The following MIPOL1 variants were observed in gnomAD, a reference collection of about 807,000 sequenced individuals.
The protein encoded by MIPOL1 is mirror-image polydactyly gene 1 protein.
MIPOL1 carries 57 observed loss-of-function variants against 60.9 expected under a neutral mutation model. The observed-to-expected ratio is 0.94, with a 90% CI of 0.76 to 1.17. The LOEUF (loss-of-function observed/expected upper bound fraction) is 1.17, where lower values mean the gene tolerates loss of function less well. MIPOL1 is among the 50% of genes most tolerant of loss of function. The pLI is 0.00. For missense variants in MIPOL1, 551 were observed against 511.6 expected (o/e 1.08, Z -0.74); for synonymous variants, 179 against 168.8 (o/e 1.06, Z -0.47).
At chr14:37,376,537 T>C (rs1368703949) in intron 10 of MIPOL1, among the ~76,000 whole-genome samples, 1 of 151,874 alleles carries the variant, frequency 6.6e-6, no homozygotes, top group Non-Finnish European at 1.5e-5. Context: ...TTTTCTCTCT[T>C]GCTCAAAAAA....
At chr14:37,533,092 G>C (rs1028131984) in intron 12 of MIPOL1, among the ~76,000 whole-genome samples, 46 of 152,000 alleles carry the variant, frequency 3.0e-4, no homozygotes, top group African/African-American at 1.1e-3. Context: ...TCTATGATGA[G>C]TATGCATCAT....
chr14:37,246,394 A>G (rs774932993), intron 1 of MIPOL1, among the ~76,000 whole-genome samples: 1 of 152,124 alleles, frequency 6.6e-6, no homozygotes, highest in Non-Finnish European at 1.5e-5. Context: ...TTATCATAAT[A>G]TAGGTATTAA....
chr14:37,289,157 G>GT (rs1336170409), intron 7 of MIPOL1, among the ~76,000 whole-genome samples: 1 of 152,142 alleles, frequency 6.6e-6, no homozygotes, highest in Non-Finnish European at 1.5e-5. Flanking sequence ...GAATCCCTGG[G>GT]TGTGTCAGTG....
chr14:37,459,130 A>C (rs540666225), intron 11 of MIPOL1, among the ~76,000 whole-genome samples: 2 of 152,216 alleles, frequency 1.3e-5, no homozygotes, highest in Admixed American at 1.3e-4. Context: ...AGAAGAAACT[A>C]AATCCAAAGC....
At chr14:37,315,810 T>C (rs1350265739) in intron 9 of MIPOL1, among the ~76,000 whole-genome samples, 2 of 152,024 alleles carry the variant, frequency 1.3e-5, no homozygotes, top group Admixed American at 1.3e-4. Flanking sequence ...TATGGATAAG[T>C]AAAACTGTGG....
At chr14:37,504,440 G>A (rs2095255754) in intron 12 of MIPOL1, 1 of 152,158 alleles carries the variant, frequency 6.6e-6, no homozygotes, top group Admixed American at 6.5e-5. Context: ...TTAGAACTCA[G>A]GATTAAGAAA....
intron 11 of MIPOL1, among the ~76,000 whole-genome samples, chr14:37,479,782 A>G (rs2094833611): frequency 6.6e-6 from 1 of 152,124 alleles, no homozygotes; most frequent in African/African-American, 2.4e-5. Context: ...AACAAAATCT[A>G]CAAACCCTTA....
intron 11 of MIPOL1, among the ~76,000 whole-genome samples, chr14:37,482,793 CA>C (rs752005451): frequency 3.9e-4 from 60 of 152,196 alleles, no homozygotes; most frequent in Middle Eastern, 3.4e-3. Context: ...CAAAAGTTAA[CA>C]AGTGTCAGTG....
intron 9 of MIPOL1, among the ~76,000 whole-genome samples, chr14:37,341,643 C>T (rs2090582635): frequency 6.6e-6 from 1 of 152,144 alleles, no homozygotes; most frequent in Non-Finnish European, 1.5e-5. Context: ...TGGGGTCTCA[C>T]TGTGTTGCCC....
chr14:37,323,298 T>G (rs1567465561), intron 9 of MIPOL1, among the ~76,000 whole-genome samples: 1 of 152,106 alleles, frequency 6.6e-6, no homozygotes, highest in South Asian at 2.1e-4. Flanking sequence ...ATGTATGGTG[T>G]TATTTCTGAG....
intron 11 of MIPOL1, among the ~76,000 whole-genome samples, chr14:37,446,166 C>G (rs542003190): frequency 1.8e-3 from 271 of 152,162 alleles, no homozygotes; most frequent in African/African-American, 6.5e-3. Flanking sequence ...ATTTTTGCAA[C>G]CTACTCATCT....
chr14:37,302,890 T>C (rs1300573103), intron 7 of MIPOL1, among the ~76,000 whole-genome samples: 1 of 151,896 alleles, frequency 6.6e-6, no homozygotes, highest in Non-Finnish European at 1.5e-5. Flanking sequence ...CAGAATTGTT[T>C]TGGCTATTCT....
At chr14:37,378,140 A>G (rs1054486446) in intron 10 of MIPOL1, among the ~76,000 whole-genome samples, 2 of 152,092 alleles carry the variant, frequency 1.3e-5, no homozygotes, top group African/African-American at 4.8e-5. Context: ...AGTTTATTAT[A>G]AAGTTAAATT....
At chr14:37,358,677 C>T (rs752252036) in intron 9 of MIPOL1, among the ~76,000 whole-genome samples, 6 of 151,716 alleles carry the variant, frequency 4.0e-5, no homozygotes, top group South Asian at 2.1e-4. Context: ...CACTTTTTCA[C>T]GGGGTTGCCT....
At chr14:37,454,779 A>T (rs2094458757) in intron 11 of MIPOL1, among the ~76,000 whole-genome samples, 1 of 152,224 alleles carries the variant, frequency 6.6e-6, no homozygotes, top group Non-Finnish European at 1.5e-5. Context: ...TAACTAGGTA[A>T]TAAATTTTAC....
At chr14:37,384,442 T>A (rs2093011541) in intron 10 of MIPOL1, among the ~76,000 whole-genome samples, 1 of 151,888 alleles carries the variant, frequency 6.6e-6, no homozygotes. Context: ...TTCCTATTCA[T>A]TAATTTTTAT....
At chr14:37,393,261 G>T (rs377243075) in intron 10 of MIPOL1, among the ~76,000 whole-genome samples, 22 of 152,112 alleles carry the variant, frequency 1.4e-4, no homozygotes, top group African/African-American at 5.3e-4. Flanking sequence ...CATTTCTGTG[G>T]GTTTTAAGCC....
intron 9 of MIPOL1, among the ~76,000 whole-genome samples, chr14:37,356,093 T>A (rs925283009): frequency 1.3e-4 from 19 of 149,636 alleles, no homozygotes; most frequent in African/African-American, 4.6e-4. Context: ...TTGGTGTGGA[T>A]GTCCTTTCTG....
chr14:37,224,412 A>G (rs545232270), intron 1 of MIPOL1, among the ~76,000 whole-genome samples: 2 of 152,356 alleles, frequency 1.3e-5, no homozygotes, highest in South Asian at 4.1e-4. Flanking sequence ...AAAGAGGTTT[A>G]GTGAACTCAC....
Sources: gnomAD v4.1 joint callset for allele counts (sites outside exome capture counted in the v4.1 genomes callset) on GRCh38, gnomAD v4.1.1 for gene constraint, MANE v1.5 for transcripts, NCBI Gene and HGNC (gene_info 2026-07-23, HGNC 2026-07-21) for gene names.